Variants in SYNPO2 observed in about 807,000 individuals in gnomAD.
SYNPO2 encodes the protein synaptopodin-2.
Under a neutral mutation model 85.0 loss-of-function variants are expected in SYNPO2, and 56 were observed. The observed-to-expected ratio is 0.66, with a 90% CI of 0.53 to 0.82. SYNPO2 has a LOEUF of 0.82. Ranked by LOEUF, SYNPO2 falls within the 40% of genes least tolerant of loss-of-function variation. SYNPO2 has a pLI of 0.00. For missense variants in SYNPO2, 1,575 were observed against 1,534.2 expected (o/e 1.03, Z -0.44); for synonymous variants, 602 against 591.1 (o/e 1.02, Z -0.27).
intron 1 of SYNPO2, among the ~76,000 whole-genome samples, chr4:118,975,104 C>T (rs1735674020): frequency 6.6e-6 from 1 of 152,170 alleles, no homozygotes; most frequent in South Asian, 2.1e-4. Context: ...ACACCTTGCA[C>T]CCACGTGAGG....
At chr4:118,977,292 G>C (rs1476778684) in intron 1 of SYNPO2, among the ~76,000 whole-genome samples, 2 of 152,248 alleles carry the variant, frequency 1.3e-5, no homozygotes, top group Non-Finnish European at 2.9e-5. Context: ...CACTGGCCTG[G>C]GTGCTAAGTC....
At chr4:118,893,798 G>A (rs1732450189) in intron 1 of SYNPO2, among the ~76,000 whole-genome samples, 2 of 151,780 alleles carry the variant, frequency 1.3e-5, no homozygotes, top group South Asian at 2.1e-4. Context: ...GCACAGCAGG[G>A]TACTATAGTT....
chr4:118,868,049 A>T (rs546143943), intron 1 of SYNPO2, among the ~76,000 whole-genome samples: 125 of 146,794 alleles, frequency 8.5e-4, no homozygotes, highest in Middle Eastern at 3.5e-3. Context: ...CCTTTCATTT[A>T]AAAAAAAAAA....
chr4:118,972,364 A>T (rs1015473875), intron 1 of SYNPO2, among the ~76,000 whole-genome samples: 2 of 152,102 alleles, frequency 1.3e-5, no homozygotes, highest in African/African-American at 2.4e-5. Flanking sequence ...GGATGGCTTC[A>T]GTCCAGGAGG....
intron 1 of SYNPO2, among the ~76,000 whole-genome samples, chr4:119,023,022 C>T (rs1378794476): frequency 1.3e-5 from 2 of 151,560 alleles, no homozygotes; most frequent in Non-Finnish European, 2.9e-5. Context: ...GTGATCCACC[C>T]GCCTTGGCCT....
chr4:118,974,325 A>C (rs2149158251), intron 1 of SYNPO2, among the ~76,000 whole-genome samples: 1 of 152,360 alleles, frequency 6.6e-6, no homozygotes, highest in Middle Eastern at 3.4e-3. Context: ...CAAGTTATAT[A>C]ACAGGCTTTC....
At chr4:118,879,329 T>G (rs371638591) in intron 1 of SYNPO2, among the ~76,000 whole-genome samples, 2 of 152,234 alleles carry the variant, frequency 1.3e-5, no homozygotes, top group South Asian at 2.1e-4. Context: ...CCCTAGGCTC[T>G]GGGGAACTGA....
chr4:118,872,464 A>G (rs561701755), intron 1 of SYNPO2, among the ~76,000 whole-genome samples: 1 of 152,332 alleles, frequency 6.6e-6, no homozygotes, highest in East Asian at 1.9e-4. Flanking sequence ...AAAAATGATT[A>G]TAGTCATGCT....
chr4:118,910,412 G>A lies in SYNPO2; in HGVS notation c.105+21271G>A, dbSNP rs1358527159. On this transcript the variant is annotated intron_variant, in intron 1 of 4. Transcript: ENST00000307142. ...ATATCTGAAGGAGGTGCGTTGCACCGGGAATTTCCATTTTTACAGCTTTCA... is the reference window on the plus strand; with the variant it reads ...ATATCTGAAGGAGGTGCGTTGCACCAGGAATTTCCATTTTTACAGCTTTCA... 3.3e-5 allele frequency among the ~76,000 whole-genome samples: 5 copies of A among 152,186 alleles called. No individual in the cohort carries two copies. The East Asian group carries it at 5.8e-4, about 18-fold the overall frequency.
intron 1 of SYNPO2, among the ~76,000 whole-genome samples, chr4:118,964,081 T>C (rs1735210047): frequency 6.6e-6 from 1 of 152,226 alleles, no homozygotes; most frequent in Non-Finnish European, 1.5e-5. Flanking sequence ...TTTCACTCCA[T>C]TTAACCTAAT....
intron 4 of SYNPO2, among the ~76,000 whole-genome samples, chr4:119,039,595 T>G (rs1578670915): frequency 6.6e-6 from 1 of 152,302 alleles, no homozygotes; most frequent in East Asian, 1.9e-4. Context: ...ATTTTGCTGG[T>G]TTCTGTTGAA....
At chr4:118,854,407 G>T (rs1026912793) in intron 1 of SYNPO2, among the ~76,000 whole-genome samples, 11 of 139,952 alleles carry the variant, frequency 7.9e-5, no homozygotes, top group Non-Finnish European at 1.8e-4. Context: ...TAAATGATAA[G>T]AATTTTATAG....
intron 1 of SYNPO2, among the ~76,000 whole-genome samples, chr4:118,894,461 A>G (rs978885588): frequency 6.6e-5 from 10 of 151,896 alleles, no homozygotes; most frequent in East Asian, 5.8e-4. Context: ...CTAGCAGTTT[A>G]TTTCCTGGTA....
chr4:118,918,395 A>G (rs933703851), intron 1 of SYNPO2, among the ~76,000 whole-genome samples: 1 of 152,154 alleles, frequency 6.6e-6, no homozygotes, highest in East Asian at 1.9e-4. Context: ...TAGGTAATGT[A>G]TTTTACACAT....
At chr4:119,022,718 T>A (rs886316454) in intron 1 of SYNPO2, among the ~76,000 whole-genome samples, 4 of 99,380 alleles carry the variant, frequency 4.0e-5, no homozygotes, top group South Asian at 3.3e-4. Flanking sequence ...TATTTTATTT[T>A]ATTTTAATTT....
In SYNPO2 at chr4:118,854,767, T is replaced by C. The variant is rs192660476; in HGVS notation, c.12+3827T>C. 3.0e-4 allele frequency among the ~76,000 whole-genome samples: 46 copies of C among 152,288 alleles called. No homozygotes were observed. The East Asian group carries it at 7.7e-3, about 25-fold the overall frequency. On this transcript the variant is annotated intron_variant, in intron 1 of 4. Transcript: ENST00000610556. ...ATCCTGAAAGAGCTAACAACTGAAA[T>C]TGAAGTTATAGTTGTCAAATTTTAT...
chr4:119,000,635 C>T (rs1445847931), intron 1 of SYNPO2, among the ~76,000 whole-genome samples: 2 of 152,188 alleles, frequency 1.3e-5, no homozygotes, highest in Non-Finnish European at 2.9e-5. Flanking sequence ...ATTTGTGCTG[C>T]CACCTTCATA....
chr4:118,963,573 C>T (rs182719210), intron 1 of SYNPO2, among the ~76,000 whole-genome samples: 48 of 152,274 alleles, frequency 3.2e-4, no homozygotes, highest in African/African-American at 1.1e-3. Flanking sequence ...CTTGGCCTTC[C>T]AAGTAGCTGA....
At chr4:118,999,577 TTGTATGTA>T (rs961644553) in intron 1 of SYNPO2, among the ~76,000 whole-genome samples, 1 of 151,456 alleles carries the variant, frequency 6.6e-6, no homozygotes, top group African/African-American at 2.4e-5. Context: ...CCCAGCTAGC[TTGTATGTA>T]TGTATGTATG....
Sources: allele counts gnomAD v4.1 joint callset (sites outside exome capture counted in the v4.1 genomes callset), GRCh38; gene constraint gnomAD v4.1.1; transcripts MANE v1.5; gene names NCBI Gene and HGNC (gene_info 2026-07-23, HGNC 2026-07-21).